The following HYKK variants were observed in gnomAD, a reference collection of about 807,000 sequenced individuals.
The protein encoded by HYKK is hydroxylysine kinase.
A neutral mutation model predicts 29.7 loss-of-function variants in HYKK; 19 were observed. The ratio of observed to expected loss-of-function variants is 0.64; its 90% confidence interval spans 0.45 to 0.94. HYKK has a LOEUF of 0.94. Ranked by LOEUF, HYKK falls within the 40% of genes least tolerant of loss-of-function variation. The probability of loss-of-function intolerance (pLI) is 0.00; values close to 1 mark genes in which losing one functional copy is unlikely to be tolerated. For missense variants in HYKK, 390 were observed against 443.4 expected (o/e 0.88, Z 1.08); for synonymous variants, 152 against 158.1 (o/e 0.96, Z 0.29).
In HYKK at chr15:78,509,161, T is replaced by C. The variant is rs557634905; in HGVS notation, c.-6+1490T>C. ...TTTACTCTCAAGAGTTGACTTGATC[T>C]GTGCCATTAGTTCTATGATATGGAG... On this transcript the variant is annotated intron_variant, in intron 1 of 4. Coordinates refer to ENST00000388988, the MANE Select transcript of HYKK (RefSeq NM_001013619.4). Among the ~76,000 whole-genome samples, 9 of 152,364 alleles carry C rather than the reference T, an allele frequency of 5.9e-5. No individual in the cohort carries two copies. In the East Asian group the frequency reaches 1.7e-3, roughly 29 times the overall value.
chr15:78,515,334 C>T (rs971994463), intron 3 of HYKK, among the ~76,000 whole-genome samples: 3 of 152,106 alleles, frequency 2.0e-5, no homozygotes, highest in Non-Finnish European at 4.4e-5. Flanking sequence ...GTAATCCCAG[C>T]GCTTTGGGAG....
At chr15:78,516,138 G>A (rs528658838) in intron 3 of HYKK, among the ~76,000 whole-genome samples, 10 of 152,042 alleles carry the variant, frequency 6.6e-5, no homozygotes, top group Non-Finnish European at 1.3e-4. Flanking sequence ...ACAATATAAT[G>A]TATGACAGGT....
At chr15:78,514,592 T>C (rs1326518291) in intron 2 of HYKK, among the ~76,000 whole-genome samples, 2 of 152,156 alleles carry the variant, frequency 1.3e-5, no homozygotes, top group Non-Finnish European at 2.9e-5. Context: ...CTCCCCTCAA[T>C]TGTGAACTTA....
intron 1 of HYKK, among the ~76,000 whole-genome samples, chr15:78,512,432 C>T (rs2052083484): frequency 8.1e-6 from 1 of 123,008 alleles, no homozygotes; most frequent in Non-Finnish European, 1.6e-5. Context: ...GATGGAGTCT[C>T]GCCCTGTTGC....
intron 1 of HYKK, among the ~76,000 whole-genome samples, chr15:78,508,482 C>G (rs1004729974): frequency 2.0e-5 from 3 of 152,070 alleles, no homozygotes; most frequent in Non-Finnish European, 4.4e-5. Context: ...ATACTTTGCA[C>G]AAAGTACAGA....
chr15:78,529,979 C>T (rs540349901), intron 4 of HYKK, among the ~76,000 whole-genome samples: 2 of 150,916 alleles, frequency 1.3e-5, no homozygotes, highest in Non-Finnish European at 3.0e-5. Context: ...CTGGGACTAA[C>T]CTATCCACCA....
intron 3 of HYKK, among the ~76,000 whole-genome samples, chr15:78,522,806 G>C (rs1380874679): frequency 6.6e-6 from 1 of 152,038 alleles, no homozygotes; most frequent in Non-Finnish European, 1.5e-5. Flanking sequence ...TTGAACCTTG[G>C]TGGCAAAGGT....
intron 3 of HYKK, among the ~76,000 whole-genome samples, chr15:78,519,760 CA>C: frequency 6.6e-6 from 1 of 151,416 alleles, no homozygotes; most frequent in African/African-American, 2.4e-5. Context: ...GACAACGTCT[CA>C]AAAAAAACAA....
chr15:78,517,324 C>T (rs1365368079), intron 3 of HYKK, among the ~76,000 whole-genome samples: 4 of 152,060 alleles, frequency 2.6e-5, no homozygotes, highest in Non-Finnish European at 5.9e-5. Context: ...CCTGTAATCC[C>T]AGCACTTTGG....
chr15:78,533,364 C>A lies in HYKK; in HGVS notation c.816C>A (p.Tyr272Ter). The A allele has an allele frequency of 1.2e-6, 2 of 1,614,190 alleles. No homozygotes were observed. Among genetic ancestry groups the A allele is most frequent in the East Asian group, 2.2e-5 (1 of 44,888 alleles). ...TTGAAGTGGCAATTACCATCATGTACATGATGATTGAGAGCAAGAGTCCTA... is the reference window on the plus strand; with the variant it reads ...TTGAAGTGGCAATTACCATCATGTAAATGATGATTGAGAGCAAGAGTCCTA... ...YVFEVAITIMYMMIESKSPIQ... is the reference protein window; with the variant it reads ...YVFEVAITIM The change falls in exon 5 of 5, where the codon TAC becomes TAA. Residue 272 changes from tyrosine to a stop codon, truncating the protein, a stop_gained. Coordinates refer to ENST00000388988, the MANE Select transcript of HYKK (RefSeq NM_001013619.4). LOFTEE classifies it high-confidence loss of function.
intron 3 of HYKK, among the ~76,000 whole-genome samples, chr15:78,516,063 T>C (rs1816469908): frequency 1.3e-5 from 2 of 152,142 alleles, no homozygotes. Context: ...GAGCCCCATA[T>C]AAAGCAATAG....
At chr15:78,531,796 G>A (rs2052315338) in intron 4 of HYKK, among the ~76,000 whole-genome samples, 2 of 152,082 alleles carry the variant, frequency 1.3e-5, no homozygotes, top group Admixed American at 6.6e-5. Context: ...CTCCCAAAGT[G>A]GCCAAAGGGA....
intron 4 of HYKK, chr15:78,527,768 C>T: frequency 1.5e-6 from 2 of 1,306,858 alleles, no homozygotes; most frequent in African/African-American, 1.5e-5. Flanking sequence ...ATGAGTCTAC[C>T]TCTCTTCTTC....
intron 1 of HYKK, among the ~76,000 whole-genome samples, chr15:78,508,559 T>C (rs764804937): frequency 5.9e-5 from 9 of 151,848 alleles, no homozygotes; most frequent in Non-Finnish European, 1.3e-4. Context: ...GATCTTGGAG[T>C]TGGAAATCAC....
At chr15:78,523,909 A>G (rs1216168519) in intron 3 of HYKK, among the ~76,000 whole-genome samples, 1 of 152,240 alleles carries the variant, frequency 6.6e-6, no homozygotes, top group African/African-American at 2.4e-5. Context: ...TGGGCTCCCA[A>G]GCCTGGGGTA....
intron 1 of HYKK, among the ~76,000 whole-genome samples, chr15:78,509,775 G>C (rs1421684937): frequency 6.6e-6 from 1 of 152,234 alleles, no homozygotes; most frequent in African/African-American, 2.4e-5. Context: ...AGTTTCAAGT[G>C]CAAAGATTGT....
chr15:78,514,908 C>CTCTATATATATATA (rs766004199), intron 2 of HYKK, 60 bp from the exon 3 acceptor site: 16 of 385,452 alleles, frequency 4.2e-5, no homozygotes, highest in African/African-American at 2.5e-4. Context: ...CTCTCTCTCT[C>CTCTATATATATATA]TATATATATA....
downstream of HYKK, among the ~76,000 whole-genome samples, chr15:78,537,070 TCTC>T (rs1462828215): frequency 6.6e-6 from 1 of 152,126 alleles, no homozygotes; most frequent in Non-Finnish European, 1.5e-5. Context: ...TACACCATCA[TCTC>T]CTCTGGTTCT....
intron 1 of HYKK, among the ~76,000 whole-genome samples, 165 bp from the exon 2 acceptor site, chr15:78,512,919 C>G (rs995065471): frequency 7.2e-5 from 11 of 152,186 alleles, no homozygotes; most frequent in African/African-American, 2.7e-4. Flanking sequence ...ACTTCTTGAT[C>G]TTATTCACTG....
Sources: gnomAD v4.1 joint callset for allele counts (sites outside exome capture counted in the v4.1 genomes callset) on GRCh38, gnomAD v4.1.1 for gene constraint, MANE v1.5 for transcripts, NCBI Gene and HGNC (gene_info 2026-07-23, HGNC 2026-07-21) for gene names.